Variants in TEX36 observed in about 807,000 individuals in gnomAD.
The protein encoded by TEX36 is testis-expressed protein 36.
A neutral mutation model predicts 13.6 loss-of-function variants in TEX36; 12 were observed. The observed-to-expected ratio is 0.88, with a 90% CI of 0.56 to 1.43. The LOEUF (loss-of-function observed/expected upper bound fraction) is 1.43. TEX36 is among the 40% of genes most tolerant of loss of function. The pLI is 0.00. For missense variants in TEX36, 224 were observed against 228.3 expected (o/e 0.98, Z 0.12); for synonymous variants, 93 against 83.0 (o/e 1.12, Z -0.65).
intron 3 of TEX36, among the ~76,000 whole-genome samples, chr10:125,606,645 G>A (rs1173995535): frequency 6.6e-6 from 1 of 152,184 alleles, no homozygotes; most frequent in Non-Finnish European, 1.5e-5. Context: ...TACAGGATAT[G>A]AAGAACAATG....
chr10:125,579,953 C>T (rs1380878047), intron 3 of TEX36, among the ~76,000 whole-genome samples: 1 of 152,160 alleles, frequency 6.6e-6, no homozygotes, highest in African/African-American at 2.4e-5. Flanking sequence ...CTAATACAGT[C>T]TCCCCAGTTT....
At chr10:125,605,721 C>T (rs1846207979) in intron 3 of TEX36, among the ~76,000 whole-genome samples, 1 of 152,164 alleles carries the variant, frequency 6.6e-6, no homozygotes, top group South Asian at 2.1e-4. Flanking sequence ...CCTGCCTCAG[C>T]CTACCGAGTA....
At chr10:125,585,744 A>G (rs760321188) in intron 3 of TEX36, among the ~76,000 whole-genome samples, 10 of 152,338 alleles carry the variant, frequency 6.6e-5, no homozygotes, top group East Asian at 1.9e-4. Context: ...CTCCACAACT[A>G]TCCACTTCTT....
chr10:125,671,144 C>A (rs997727737), intron 1 of TEX36, among the ~76,000 whole-genome samples: 2 of 152,140 alleles, frequency 1.3e-5, no homozygotes, highest in South Asian at 4.1e-4. Context: ...GCCTGATTGT[C>A]CTGTCCAGAA....
intron 3 of TEX36, among the ~76,000 whole-genome samples, chr10:125,615,557 T>A (rs980962620): frequency 2.0e-5 from 3 of 152,028 alleles, no homozygotes; most frequent in Admixed American, 2.0e-4. Flanking sequence ...GTTTTTGTCT[T>A]TGGTTCTGTT....
chr10:125,597,131 A>T (rs138161668), intron 3 of TEX36, among the ~76,000 whole-genome samples: 1 of 152,340 alleles, frequency 6.6e-6, no homozygotes, highest in African/African-American at 2.4e-5. Flanking sequence ...ACCATCGCTT[A>T]GAGCTGCAAA....
intron 3 of TEX36, 48 bp downstream of exon 3, chr10:125,660,973 C>G: frequency 6.8e-7 from 1 of 1,471,300 alleles, no homozygotes; most frequent in Non-Finnish European, 9.3e-7. Flanking sequence ...AATCAAGATC[C>G]CTTGTGTTGT....
chr10:125,578,696 T>A (rs1845853461), intron 3 of TEX36, among the ~76,000 whole-genome samples: 1 of 152,166 alleles, frequency 6.6e-6, no homozygotes, highest in Admixed American at 6.5e-5. Context: ...TAGAATCTCC[T>A]CTGCTACACC....
chr10:125,631,594 TG>T (rs1458505512), intron 3 of TEX36, among the ~76,000 whole-genome samples: 3 of 152,178 alleles, frequency 2.0e-5, no homozygotes, highest in Non-Finnish European at 4.4e-5. Context: ...GGGGCAGCGT[TG>T]GGATGTGTGA....
chr10:125,632,035 C>A (rs1846563361), intron 3 of TEX36, among the ~76,000 whole-genome samples: 1 of 152,016 alleles, frequency 6.6e-6, no homozygotes, highest in African/African-American at 2.4e-5. Flanking sequence ...TGAGGGGGAT[C>A]TGGGGCAGTG....
chr10:125,679,861 G>A lies in TEX36; in HGVS notation c.51+3078C>T, dbSNP rs115016454. On this transcript the variant is annotated intron_variant, in intron 1 of 3. Coordinates refer to ENST00000368821, the MANE Select transcript of TEX36 (RefSeq NM_001128202.3). ...CCCCTCCTCTGCCTTATTATTTTACGGTAGCTTTGGGTTGCTTTCTTCTCT... is the reference window on the plus strand; with the variant it reads ...CCCCTCCTCTGCCTTATTATTTTACAGTAGCTTTGGGTTGCTTTCTTCTCT... Among the ~76,000 whole-genome samples the A allele has an allele frequency of 5.4e-3, 822 of 152,160 alleles. 6 individuals carry two copies. The highest frequency in any genetic ancestry group is 0.018 in the African/African-American group (762 of 41,520).
chr10:125,611,124 T>G (rs1396793926), intron 3 of TEX36, among the ~76,000 whole-genome samples: 2 of 152,240 alleles, frequency 1.3e-5, no homozygotes, highest in Non-Finnish European at 2.9e-5. Flanking sequence ...TCTGCCATAC[T>G]TTATTTTGTT....
intron 3 of TEX36, among the ~76,000 whole-genome samples, chr10:125,595,052 C>T (rs372224183): frequency 3.9e-5 from 6 of 152,028 alleles, no homozygotes; most frequent in East Asian, 1.9e-4. Flanking sequence ...TAGAAGAAAG[C>T]GTTGATGTAA....
At chr10:125,641,355 G>A (rs1565181544) in intron 3 of TEX36, among the ~76,000 whole-genome samples, 2 of 152,232 alleles carry the variant, frequency 1.3e-5, no homozygotes. Context: ...GCATTTAAAA[G>A]TTGGTTTCAT....
At chr10:125,590,514 A>G (rs1219359671) in intron 3 of TEX36, among the ~76,000 whole-genome samples, 1 of 152,230 alleles carries the variant, frequency 6.6e-6, no homozygotes, top group Non-Finnish European at 1.5e-5. Flanking sequence ...ATTTTACAAA[A>G]GCCTTTAGCA....
chr10:125,632,764 C>T (rs1281466802), intron 3 of TEX36, among the ~76,000 whole-genome samples: 3 of 152,156 alleles, frequency 2.0e-5, no homozygotes, highest in African/African-American at 7.2e-5. Flanking sequence ...GCAGGATCCC[C>T]TCCCAATGGA....
At chr10:125,652,152 T>C (rs1245677786), downstream of TEX36, among the ~76,000 whole-genome samples, 1 of 152,216 alleles carries the variant, frequency 6.6e-6, no homozygotes, top group African/African-American at 2.4e-5. Flanking sequence ...ACTTTAAAGT[T>C]CATATGGAAC....
chr10:125,587,845 T>C (rs1194849110), intron 3 of TEX36, among the ~76,000 whole-genome samples: 2 of 147,842 alleles, frequency 1.4e-5, no homozygotes, highest in East Asian at 2.0e-4. Context: ...CACACACACA[T>C]ATACACACGT....
chr10:125,636,466 G>A (rs540063177), intron 3 of TEX36, among the ~76,000 whole-genome samples: 10 of 151,810 alleles, frequency 6.6e-5, no homozygotes, highest in East Asian at 1.9e-4. Flanking sequence ...CACCTGCCTC[G>A]GCCTCCCAAA....
Sources: allele counts gnomAD v4.1 joint callset (sites outside exome capture counted in the v4.1 genomes callset), GRCh38; gene constraint gnomAD v4.1.1; transcripts MANE v1.5; gene names NCBI Gene and HGNC (gene_info 2026-07-23, HGNC 2026-07-21).